Variants in MDGA2 observed in about 807,000 individuals in gnomAD.
The protein encoded by MDGA2 is MAM domain-containing glycosylphosphatidylinositol anchor protein 2.
MDGA2 carries 40 observed loss-of-function variants against 117.8 expected under a neutral mutation model. That is an observed-to-expected ratio of 0.34 (90% CI 0.26 to 0.44). MDGA2 has a LOEUF of 0.44. Among genes scored for constraint, MDGA2 ranks in the 20% least tolerant of loss-of-function variants. The pLI is 1.00. For missense variants in MDGA2, 1,123 were observed against 1,250.6 expected (o/e 0.90, Z 1.54); for synonymous variants, 452 against 439.0 (o/e 1.03, Z -0.37).
At chr14:47,069,473 TTCTA>T (rs1386887216) in intron 6 of MDGA2, among the ~76,000 whole-genome samples, 3 of 152,208 alleles carry the variant, frequency 2.0e-5, no homozygotes, top group African/African-American at 7.2e-5. Flanking sequence ...TTCATTTGAG[TTCTA>T]TCTATCACTT....
At chr14:47,627,855 C>G (rs1381944538) in intron 1 of MDGA2, among the ~76,000 whole-genome samples, 1 of 152,204 alleles carries the variant, frequency 6.6e-6, no homozygotes, top group Non-Finnish European at 1.5e-5. Context: ...TCTGCAGTTT[C>G]ACGCCTGAGC....
intron 3 of MDGA2, among the ~76,000 whole-genome samples, chr14:47,203,083 C>T (rs893551302): frequency 2.6e-5 from 4 of 151,880 alleles, no homozygotes; most frequent in Admixed American, 2.6e-4. Context: ...AGAGTAAAAG[C>T]AATTACAGAT....
chr14:47,467,110 T>C (rs1039303474), intron 1 of MDGA2, among the ~76,000 whole-genome samples: 3 of 152,072 alleles, frequency 2.0e-5, no homozygotes, highest in Non-Finnish European at 4.4e-5. Context: ...CATAAATTAC[T>C]ACTCTCTCAA....
intron 3 of MDGA2, among the ~76,000 whole-genome samples, chr14:47,183,460 G>GT (rs1884790126): frequency 1.3e-5 from 2 of 152,154 alleles, no homozygotes; most frequent in East Asian, 3.9e-4. Flanking sequence ...ATGTTCATAT[G>GT]TTTTAATGAG....
At position 47,555,797 on chromosome 14, in the gene MDGA2, C is replaced by T. The variant is rs566321919; in HGVS notation, c.280+118720G>A. Among the ~76,000 whole-genome samples, 35 of 152,194 alleles carry T rather than the reference C, an allele frequency of 2.3e-4. No individual in the cohort carries two copies. In the South Asian group the frequency reaches 6.6e-3, roughly 29 times the overall value. On this transcript the variant is annotated intron_variant, in intron 1 of 16. Transcript: ENST00000399232. ...TATCTTCAGTCTCTTCTATCCATCT[C>T]GACCCTTTGGTAATTATTTTTTCCA...
intron 1 of MDGA2, among the ~76,000 whole-genome samples, chr14:47,600,679 G>C (rs532032642): frequency 1.3e-5 from 2 of 149,864 alleles, no homozygotes; most frequent in African/African-American, 5.0e-5. Flanking sequence ...AGTCATCCTT[G>C]TCCTGGTAAA....
At position 47,463,009 on chromosome 14, in the gene MDGA2, T is replaced by TTG. The variant is rs113671829; in HGVS notation, c.281-161461_281-161460dup. Among the ~76,000 whole-genome samples, 784 of 151,070 alleles carry TTG rather than the reference T, an allele frequency of 5.2e-3. 1 individual carries two copies. The highest frequency in any genetic ancestry group is 0.012 in the African/African-American group (482 of 41,320). On this transcript the variant is annotated intron_variant, in intron 1 of 16. Coordinates refer to ENST00000399232, the MANE Select transcript of MDGA2 (RefSeq NM_001113498.3). Reference sequence around the variant, plus strand: ...AATGATCATTTTAGAAAAGAAATCTTTGTGTGTGTGTGTGTGCATGTGTGT... The same window carrying TTG: ...AATGATCATTTTAGAAAAGAAATCTTTGTGTGTGTGTGTGTGTGCATGTGTGT...
chr14:46,944,564 A>G (rs1323616929), intron 9 of MDGA2, among the ~76,000 whole-genome samples: 2 of 151,944 alleles, frequency 1.3e-5, no homozygotes, highest in Non-Finnish European at 2.9e-5. Flanking sequence ...CAGAACTTCA[A>G]GTGCACCTGT....
At chr14:47,615,945 G>C (rs1376299531) in intron 1 of MDGA2, among the ~76,000 whole-genome samples, 2 of 152,084 alleles carry the variant, frequency 1.3e-5, no homozygotes, top group Non-Finnish European at 2.9e-5. Flanking sequence ...ACTAGCATGG[G>C]TGGGGCTGGA....
At chr14:47,170,420 A>C (rs1283061213) in intron 3 of MDGA2, among the ~76,000 whole-genome samples, 1 of 152,172 alleles carries the variant, frequency 6.6e-6, no homozygotes, top group Non-Finnish European at 1.5e-5. Context: ...CAGGCATTTG[A>C]CATTTCACCC....
Position 46,873,625 on chromosome 14 carries a change from T to C in MDGA2, c.2594-34A>G. On this transcript the variant is annotated intron_variant, in intron 13 of 16. Coordinates refer to ENST00000399232, the MANE Select transcript of MDGA2 (RefSeq NM_001113498.3). Reference sequence around the variant, plus strand: ...AGACAAAATAAAGTGTTTAAACACATTATTCTTAGGCATAATGAAATTTCA... The same window carrying C: ...AGACAAAATAAAGTGTTTAAACACACTATTCTTAGGCATAATGAAATTTCA... 3 of 1,570,886 alleles carry C rather than the reference T, an allele frequency of 1.9e-6. No individual in the cohort carries two copies. The South Asian group carries it at 3.5e-5, about 18-fold the overall frequency.
At chr14:47,001,699 C>A (rs1039620260) in intron 8 of MDGA2, among the ~76,000 whole-genome samples, 4 of 151,976 alleles carry the variant, frequency 2.6e-5, no homozygotes, top group African/African-American at 4.8e-5. Context: ...ATCCACATTA[C>A]CCCAAGAGAA....
At chr14:47,374,802 T>C (rs1362248256) in intron 1 of MDGA2, among the ~76,000 whole-genome samples, 1 of 152,124 alleles carries the variant, frequency 6.6e-6, no homozygotes, top group African/African-American at 2.4e-5. Context: ...GTATTTGTAA[T>C]GGTATGCCTT....
At chr14:47,606,702 T>A (rs902881787) in intron 1 of MDGA2, among the ~76,000 whole-genome samples, 2 of 152,152 alleles carry the variant, frequency 1.3e-5, no homozygotes, top group Non-Finnish European at 2.9e-5. Flanking sequence ...TAAAGATGTA[T>A]GATATGATCT....
At chr14:47,631,128 T>C (rs1281295356) in intron 1 of MDGA2, among the ~76,000 whole-genome samples, 1 of 152,208 alleles carries the variant, frequency 6.6e-6, no homozygotes, top group Non-Finnish European at 1.5e-5. Flanking sequence ...AGATGCTACC[T>C]CTTAGAGATT....
intron 14 of MDGA2, among the ~76,000 whole-genome samples, chr14:46,864,868 G>T (rs7153139): frequency 0.036 from 5,503 of 151,844 alleles, 355 homozygotes; most frequent in African/African-American, 0.13. Context: ...TCTTCTTCAA[G>T]GAACTTAATT....
At chr14:46,909,281 T>A (rs1405621256) in intron 10 of MDGA2, among the ~76,000 whole-genome samples, 3 of 152,216 alleles carry the variant, frequency 2.0e-5, no homozygotes, top group Admixed American at 6.5e-5. Flanking sequence ...TATTAATATA[T>A]TCAATCAAAT....
intron 8 of MDGA2, among the ~76,000 whole-genome samples, chr14:46,974,290 C>T (rs1430424743): frequency 6.6e-6 from 1 of 152,082 alleles, no homozygotes; most frequent in Non-Finnish European, 1.5e-5. Flanking sequence ...GTTAATACGT[C>T]AAAACTACCC....
intron 1 of MDGA2, among the ~76,000 whole-genome samples, chr14:47,503,339 T>C (rs1292944756): frequency 6.6e-6 from 1 of 150,964 alleles, no homozygotes; most frequent in Non-Finnish European, 1.5e-5. Flanking sequence ...TTAGGTGGCT[T>C]AGTAAAAGCA....
Sources: allele counts gnomAD v4.1 joint callset (sites outside exome capture counted in the v4.1 genomes callset), GRCh38; gene constraint gnomAD v4.1.1; transcripts MANE v1.5; gene names NCBI Gene and HGNC (gene_info 2026-07-23, HGNC 2026-07-21).